The following PBRM1 variants were observed in gnomAD, a reference collection of about 807,000 sequenced individuals.
PBRM1 encodes polybromo 1, also known as protein polybromo-1.
PBRM1 carries 27 observed loss-of-function variants against 194.5 expected under a neutral mutation model. The ratio of observed to expected loss-of-function variants is 0.14; its 90% CI spans 0.10 to 0.19. The LOEUF is 0.19. Among genes scored for constraint, PBRM1 ranks in the 10% least tolerant of loss-of-function variants. The pLI is 1.00. For missense variants in PBRM1, 1,466 were observed against 2,077.2 expected (o/e 0.71, Z 5.72); for synonymous variants, 655 against 693.2 (o/e 0.94, Z 0.87).
At chr3:52,653,758 A>G (rs1178164853) in intron 5 of PBRM1, among the ~76,000 whole-genome samples, 2 of 151,008 alleles carry the variant, frequency 1.3e-5, no homozygotes, top group Non-Finnish European at 3.0e-5. Context: ...AAAAATACAA[A>G]AATTAGCTGG....
intron 22 of PBRM1, among the ~76,000 whole-genome samples, chr3:52,565,507 CAA>C (rs539684179): frequency 9.6e-5 from 10 of 104,392 alleles, no homozygotes; most frequent in Admixed American, 1.0e-4. Flanking sequence ...GACTCAGTCT[CAA>C]AAAAAAAAAA....
intron 3 of PBRM1, among the ~76,000 whole-genome samples, chr3:52,662,876 T>C (rs1375636746): frequency 1.3e-5 from 2 of 149,884 alleles, no homozygotes; most frequent in Non-Finnish European, 3.0e-5. Flanking sequence ...TTATTACTAA[T>C]ACACTAAGAA....
intron 25 of PBRM1, among the ~76,000 whole-genome samples, chr3:52,561,112 CCAA>C (rs145324028): frequency 0.025 from 3,761 of 151,894 alleles, 166 homozygotes; most frequent in African/African-American, 0.086. Flanking sequence ...AAACAAAAAC[CCAA>C]CAACAAAAAA....
At chr3:52,635,856 T>C (rs1250443631) in intron 10 of PBRM1, among the ~76,000 whole-genome samples, 1 of 151,852 alleles carries the variant, frequency 6.6e-6, no homozygotes. Context: ...TGATTCTTTT[T>C]TATTTATTTC....
At chr3:52,550,191 C>G (rs2080584798) in intron 29 of PBRM1, among the ~76,000 whole-genome samples, 1 of 152,094 alleles carries the variant, frequency 6.6e-6, no homozygotes, top group Non-Finnish European at 1.5e-5. Flanking sequence ...GCACTCCAGC[C>G]TAGGCAACAG....
rs778072383 is a variant in PBRM1 at position 52,609,178 on chromosome 3, T to C, written c.2567+135A>G. On this transcript the variant is annotated intron_variant, in intron 16 of 29. Transcript: ENST00000296302. The surrounding 1 kb of genome is among the most constrained non-coding windows in gnomAD (Gnocchi z 4.1). ...TCACTCTTAAGAAGTTCTGGCTGAT[T>C]AGAATTCAGAATAGCATGCTACCAA... The C allele has an allele frequency of 3.1e-5, 22 of 706,444 alleles. No homozygotes were observed. The highest frequency in any genetic ancestry group is 4.7e-5 in the Non-Finnish European group (20 of 429,386). 43.8% of individuals were successfully genotyped at this position (706,444 alleles called of 1,614,324 possible). A position where few individuals can be genotyped will look rare whatever the true frequency, so the allele number is the denominator to read the frequency against.
intron 13 of PBRM1, among the ~76,000 whole-genome samples, chr3:52,618,386 G>T (rs1419897144): frequency 6.6e-6 from 1 of 152,142 alleles, no homozygotes; most frequent in East Asian, 1.9e-4. Context: ...CTGGCTCAGA[G>T]GGGGTAAAAG....
At chr3:52,643,072 G>A (rs2096167475) in intron 9 of PBRM1, among the ~76,000 whole-genome samples, 176 bp downstream of exon 10, 1 of 152,214 alleles carries the variant, frequency 6.6e-6, no homozygotes. Context: ...ACAGGCGTGA[G>A]CCACTGTGCC....
At chr3:52,641,446 C>CAAAAAAAAAAAAAAAAAAA (rs386396638) in intron 10 of PBRM1, among the ~76,000 whole-genome samples, 11 of 69,872 alleles carry the variant, frequency 1.6e-4, no homozygotes, top group East Asian at 4.0e-4. Context: ...GACTCCATCT[C>CAAAAAAAAAAAAAAAAAAA]AAAAAAAAAA....
At chr3:52,661,187 G>C (rs913504526) in intron 4 of PBRM1, among the ~76,000 whole-genome samples, 2 of 152,094 alleles carry the variant, frequency 1.3e-5, no homozygotes, top group African/African-American at 4.8e-5. Context: ...CACCTGCCTA[G>C]CTAATTTTTG....
intron 15 of PBRM1, among the ~76,000 whole-genome samples, chr3:52,610,838 C>T (rs2094568825): frequency 6.6e-6 from 1 of 152,084 alleles, no homozygotes; most frequent in African/African-American, 2.4e-5. Context: ...ACTCGGGAGG[C>T]TGAGGCAGGA....
intron 13 of PBRM1, among the ~76,000 whole-genome samples, chr3:52,625,575 C>CTTTT (rs747413256): frequency 7.2e-6 from 1 of 138,610 alleles, no homozygotes; most frequent in Non-Finnish European, 1.6e-5. Context: ...TAATGCTTAA[C>CTTTT]TTTTTTTTTT....
rs771597600 is a variant in PBRM1, at chr3:52,586,406, G to C, written c.3387+19C>G. 3.2e-6 allele frequency: 5 copies of C among 1,582,118 alleles called. No homozygotes were observed. The South Asian group carries it at 4.6e-5, about 14-fold the overall frequency. On this transcript the variant is annotated intron_variant, in intron 20 of 29. Transcript: ENST00000296302. The stretch of plus-strand genomic sequence containing the variant: ...TTTTGAGATGTAAAATTTTTTCTGT[G>C]TGGCTATTATCTGCATACCTTTTCC...
At chr3:52,562,523 G>C (rs1199783767) in intron 24 of PBRM1, among the ~76,000 whole-genome samples, 1 of 146,320 alleles carries the variant, frequency 6.8e-6, no homozygotes, top group Admixed American at 6.9e-5. Flanking sequence ...TCACAATTAA[G>C]TCTTGAGAAA....
intron 18 of PBRM1, among the ~76,000 whole-genome samples, 191 bp from the exon 21 acceptor site, chr3:52,587,701 T>C (rs537674824): frequency 2.6e-5 from 4 of 151,720 alleles, no homozygotes; most frequent in Admixed American, 2.0e-4. Context: ...TAAGTCACTG[T>C]GTCCAGCTCA....
exon 24 of PBRM1, chr3:52,563,385 CTCT>C: frequency 6.2e-7 from 1 of 1,613,972 alleles, no homozygotes; most frequent in Non-Finnish European, 8.5e-7. Context: ...CTTCTCCCAT[CTCT>C]TCAATATCAT....
chr3:52,632,746 T>C (rs183167042), intron 11 of PBRM1, among the ~76,000 whole-genome samples: 2 of 150,510 alleles, frequency 1.3e-5, no homozygotes, highest in African/African-American at 4.9e-5. Flanking sequence ...TGGAGTGCAG[T>C]GGTGCGACCT....
At chr3:52,596,120 C>T (rs1213230792) in intron 17 of PBRM1, among the ~76,000 whole-genome samples, 3 of 152,060 alleles carry the variant, frequency 2.0e-5, no homozygotes, top group Non-Finnish European at 4.4e-5. Context: ...TTTAGCTATT[C>T]TGAGTCTTTT....
At chr3:52,676,768 T>G (rs2097114139) in intron 2 of PBRM1, among the ~76,000 whole-genome samples, 1 of 152,206 alleles carries the variant, frequency 6.6e-6, no homozygotes, top group South Asian at 2.1e-4. Context: ...GAGACTTGAA[T>G]GGCTTTGACC....
Sources: allele counts gnomAD v4.1 joint callset (sites outside exome capture counted in the v4.1 genomes callset), GRCh38; gene constraint gnomAD v4.1.1; non-coding constraint Gnocchi (gnomAD v3.1); transcripts MANE v1.5; gene names NCBI Gene and HGNC (gene_info 2026-07-23, HGNC 2026-07-21).